TLCD4: variants seen among roughly 807,000 people sequenced by gnomAD.
TLCD4 encodes TLC domain containing 4, also known as TLC domain-containing protein 4.
In TLCD4, 7 loss-of-function variants were observed where a neutral mutation model predicts 24.2. The observed-to-expected ratio is 0.29, with a 90% CI of 0.16 to 0.54. TLCD4 has a LOEUF of 0.54. Among genes scored for constraint, TLCD4 ranks in the 20% least tolerant of loss-of-function variants. The pLI is 0.95. For synonymous variants in TLCD4, 103 were observed against 106.4 expected, an observed-to-expected ratio of 0.97 and a Z score of 0.20; for missense variants, 259 against 313.9, an observed-to-expected ratio of 0.82 and a Z score of 1.32.
chr1:95,138,172 G>A (rs182163591), intron 1 of TLCD4: 42 of 152,170 alleles, frequency 2.8e-4, no homozygotes, highest in Admixed American at 2.7e-3. Flanking sequence ...TGGAAAGCAG[G>A]GAGCATTCTC....
intron 4 of TLCD4, among the ~76,000 whole-genome samples, chr1:95,150,583 A>T (rs773539417): frequency 6.6e-6 from 1 of 152,028 alleles, no homozygotes; most frequent in Non-Finnish European, 1.5e-5. Context: ...ACGAAATTTA[A>T]CTTTTAGGGT....
At chr1:95,143,091 T>TA (rs1450113303) in intron 1 of TLCD4, among the ~76,000 whole-genome samples, 1 of 152,104 alleles carries the variant, frequency 6.6e-6, no homozygotes, top group African/African-American at 2.4e-5. Context: ...GTTATACTCC[T>TA]ATGTAAACGT....
At chr1:95,177,839 C>T (rs954165788) in intron 6 of TLCD4, among the ~76,000 whole-genome samples, 1 of 151,862 alleles carries the variant, frequency 6.6e-6, no homozygotes, top group Non-Finnish European at 1.5e-5. Context: ...GATGAAGCCT[C>T]TCTTGCTACA....
intron 6 of TLCD4, among the ~76,000 whole-genome samples, chr1:95,184,822 G>A (rs193119634): frequency 3.6e-4 from 55 of 152,220 alleles, no homozygotes; most frequent in Admixed American, 3.5e-3. Context: ...AAGAAGAGGT[G>A]GATTCCAACA....
intron 1 of TLCD4, among the ~76,000 whole-genome samples, chr1:95,138,867 G>T (rs1326037633): frequency 6.6e-6 from 1 of 151,806 alleles, no homozygotes; most frequent in Non-Finnish European, 1.5e-5. Context: ...ACATAGAAAA[G>T]GTACAGTTAA....
In TLCD4 at chr1:95,193,133, C is replaced by A. The variant is rs182383183; in HGVS notation, c.*1265C>A. ...GAAATAGGCCTCTTCTTGATGAGAC[C>A]CAAACTATTACAAAAATATCAGTAT... is the stretch of plus-strand genomic sequence containing the variant. On this transcript the variant is annotated 3_prime_UTR_variant, in exon 7 of 7. Coordinates refer to ENST00000370203, the MANE Select transcript of TLCD4 (RefSeq NM_152487.3). 1 of 151,966 alleles carries A rather than the reference C, an allele frequency of 6.6e-6. No individual in the cohort carries two copies. The highest frequency in any genetic ancestry group is 6.6e-5 in the Admixed American group (1 of 15,266). 9.4% of individuals were successfully genotyped at this position (151,966 alleles called of 1,614,324 possible).
intron 6 of TLCD4, among the ~76,000 whole-genome samples, chr1:95,191,065 T>C: frequency 6.6e-6 from 1 of 152,316 alleles, no homozygotes; most frequent in South Asian, 2.1e-4. Context: ...TCATACAGGT[T>C]TTTTTCCTTT....
At chr1:95,186,578 G>A (rs1210895421) in intron 6 of TLCD4, among the ~76,000 whole-genome samples, 1 of 152,172 alleles carries the variant, frequency 6.6e-6, no homozygotes, top group Non-Finnish European at 1.5e-5. Flanking sequence ...GATTAGAGAG[G>A]AATGGGTTCA....
intron 6 of TLCD4, among the ~76,000 whole-genome samples, chr1:95,175,599 G>C (rs1352301316): frequency 6.6e-6 from 1 of 152,048 alleles, no homozygotes; most frequent in African/African-American, 2.4e-5. Context: ...ATTTTTTGAT[G>C]AACCTTCAGA....
At chr1:95,164,040 A>T (rs1404710408) in intron 5 of TLCD4, 1 of 152,362 alleles carries the variant, frequency 6.6e-6, no homozygotes. Context: ...TCAGACAGGG[A>T]TGTTTAATTC....
chr1:95,114,517 T>C (rs574882938), upstream of TLCD4, among the ~76,000 whole-genome samples: 148 of 152,272 alleles, frequency 9.7e-4, no homozygotes, highest in Non-Finnish European at 3.7e-4. Context: ...GGAAAATAAA[T>C]TCATCAGGAA....
chr1:95,158,494 CATTT>C (rs71097251), intron 5 of TLCD4, among the ~76,000 whole-genome samples: 9 of 150,526 alleles, frequency 6.0e-5, no homozygotes, highest in African/African-American at 1.7e-4. Context: ...CTTGATACTT[CATTT>C]ATTTATTTAT....
At chr1:95,111,515 T>A in the TLCD4 span, among the ~76,000 whole-genome samples, 1 of 152,134 alleles carries the variant, frequency 6.6e-6, no homozygotes, top group Non-Finnish European at 1.5e-5. Context: ...TGTAGAAAGA[T>A]GTTTACAAGA....
At chr1:95,168,427 G>A (rs1329332200) in intron 5 of TLCD4, among the ~76,000 whole-genome samples, 4 of 151,832 alleles carry the variant, frequency 2.6e-5, no homozygotes, top group Non-Finnish European at 5.9e-5. Context: ...ATCAGTGTTT[G>A]GAGATTCAGA....
chr1:95,122,392 G>A (rs780895833), intron 1 of TLCD4, among the ~76,000 whole-genome samples: 24 of 152,078 alleles, frequency 1.6e-4, no homozygotes, highest in Admixed American at 6.6e-5. Context: ...AAAAGTACAC[G>A]GGTATCAGAG....
At chr1:95,112,038 C>G in the TLCD4 span, among the ~76,000 whole-genome samples, 1 of 152,184 alleles carries the variant, frequency 6.6e-6, no homozygotes, top group Non-Finnish European at 1.5e-5. Context: ...AATCTTGGCA[C>G]AGTTGCCATC....
intron 3 of TLCD4, 60 bp downstream of exon 3, chr1:95,148,851 A>G: frequency 6.3e-7 from 1 of 1,584,188 alleles, no homozygotes; most frequent in Non-Finnish European, 8.6e-7. Context: ...TTAATTATTT[A>G]TAAGAACATC....
chr1:95,134,728 C>T (rs1676997940), intron 1 of TLCD4, among the ~76,000 whole-genome samples: 2 of 152,138 alleles, frequency 1.3e-5, no homozygotes, highest in Non-Finnish European at 2.9e-5. Context: ...AGTTAGGGGT[C>T]TAGACCTGGT....
intron 5 of TLCD4, among the ~76,000 whole-genome samples, chr1:95,159,075 A>G (rs1677710781): frequency 6.6e-6 from 1 of 152,172 alleles, no homozygotes; most frequent in African/African-American, 2.4e-5. Context: ...TCCTTGAGGA[A>G]TTGCCACACT....
Sources: allele counts gnomAD v4.1 joint callset (sites outside exome capture counted in the v4.1 genomes callset), GRCh38; gene constraint gnomAD v4.1.1; transcripts MANE v1.5; gene names NCBI Gene and HGNC (gene_info 2026-07-23, HGNC 2026-07-21).